Variants in ARHGAP31 observed in about 807,000 individuals in gnomAD.
The protein encoded by ARHGAP31 is Rho GTPase activating protein 31.
A neutral mutation model predicts 113.9 loss-of-function variants in ARHGAP31; 34 were observed. The observed-to-expected ratio is 0.30, with a 90% CI of 0.23 to 0.40. The LOEUF (loss-of-function observed/expected upper bound fraction) is 0.40. Ranked by LOEUF, ARHGAP31 falls within the 10% of genes least tolerant of loss-of-function variation. The pLI is 1.00. For synonymous variants in ARHGAP31, 650 were observed against 684.8 expected, an observed-to-expected ratio of 0.95 and a Z score of 0.79; for missense variants, 1,548 against 1,767.1, an observed-to-expected ratio of 0.88 and a Z score of 2.22.
At chr3:119,407,540 C>A (rs958075028) in intron 10 of ARHGAP31, among the ~76,000 whole-genome samples, 2 of 152,172 alleles carry the variant, frequency 1.3e-5, no homozygotes, top group African/African-American at 4.8e-5. Context: ...ATGCAAGTAT[C>A]TGTTTACATA....
At chr3:119,391,597 C>CA (rs1577026026) in intron 7 of ARHGAP31, among the ~76,000 whole-genome samples, 2 of 94,880 alleles carry the variant, frequency 2.1e-5, no homozygotes, top group Non-Finnish European at 4.2e-5. Context: ...CTACCCCCCC[C>CA]TCCCCCCCGC....
intron 1 of ARHGAP31, among the ~76,000 whole-genome samples, chr3:119,297,618 G>T (rs1481796956): frequency 6.6e-6 from 1 of 152,234 alleles, no homozygotes; most frequent in African/African-American, 2.4e-5. Flanking sequence ...CCTTGAGTTG[G>T]AGTGGAGGAC....
In ARHGAP31 at chr3:119,357,312, C is replaced by T. The variant is rs536180873; in HGVS notation, c.101-8004C>T. 1.1e-3 allele frequency among the ~76,000 whole-genome samples: 172 copies of T among 152,216 alleles called. 4 individuals are homozygous for T. In the South Asian group the frequency reaches 0.035, roughly 31 times the overall value. ...CTCAGTGGAGAAGAGGCAATGGGCT[C>T]AGACGAGGGAGTATCGGGTGCAAAG... On this transcript the variant is annotated intron_variant, in intron 1 of 11. Transcript: ENST00000264245.
chr3:119,315,467 A>G (rs1432658225), intron 1 of ARHGAP31, among the ~76,000 whole-genome samples: 1 of 152,252 alleles, frequency 6.6e-6, no homozygotes, highest in Non-Finnish European at 1.5e-5. Context: ...GCAGAGCACG[A>G]TGATCACCTT....
At position 119,416,619 on chromosome 3, in the gene ARHGAP31, A is replaced by C. The variant is rs977711864; in HGVS notation, c.*355A>C. 3 of 325,704 alleles carry C rather than the reference A, an allele frequency of 9.2e-6. No individual in the cohort carries two copies. The highest frequency in any genetic ancestry group is 1.8e-5 in the Non-Finnish European group (3 of 170,608). 20.2% of individuals were successfully genotyped at this position (325,704 alleles called of 1,614,324 possible). A position where few individuals can be genotyped will look rare whatever the true frequency, so the allele number is the denominator to read the frequency against. On this transcript the variant is annotated 3_prime_UTR_variant, in exon 12 of 12. Coordinates refer to ENST00000264245, the MANE Select transcript of ARHGAP31 (RefSeq NM_020754.4). ...TGAGAGCTGGCTGTCCTTTGAAAGA[A>C]AGAAGTAATGTTCTTTGAAAGAAAG...
At chr3:119,375,613 A>G (rs976356696) in intron 3 of ARHGAP31, among the ~76,000 whole-genome samples, 2 of 152,148 alleles carry the variant, frequency 1.3e-5, no homozygotes, top group Non-Finnish European at 2.9e-5. Context: ...ACTGTATTTC[A>G]TTTTTATCAG....
At chr3:119,314,753 T>C (rs1559963718) in intron 1 of ARHGAP31, 1 of 152,224 alleles carries the variant, frequency 6.6e-6, no homozygotes, top group Non-Finnish European at 1.5e-5. Flanking sequence ...ATACTTTCTG[T>C]TTCTCAATTT....
intron 11 of ARHGAP31, among the ~76,000 whole-genome samples, chr3:119,413,253 G>A (rs1466991973): frequency 2.0e-5 from 3 of 149,114 alleles, no homozygotes; most frequent in South Asian, 2.1e-4. Flanking sequence ...GGAGACAGGG[G>A]TTGCAGTGAG....
chr3:119,412,225 C>T (rs998531426), intron 11 of ARHGAP31, among the ~76,000 whole-genome samples: 1 of 151,996 alleles, frequency 6.6e-6, no homozygotes, highest in Non-Finnish European at 1.5e-5. Flanking sequence ...CCCATCTCTA[C>T]TAAAAATACA....
rs545994819 is a variant in ARHGAP31, at chr3:119,382,584, A to T, written c.539+185A>T. 8.5e-5 allele frequency among the ~76,000 whole-genome samples: 13 copies of T among 152,360 alleles called. No individual in the cohort carries two copies. The East Asian group carries it at 2.5e-3, about 29-fold the overall frequency. On this transcript the variant is annotated intron_variant, in intron 5 of 11. Coordinates refer to ENST00000264245, the MANE Select transcript of ARHGAP31 (RefSeq NM_020754.4). ...AATAGCCTAAGCTCTCTGCCTGCTA[A>T]CTTGGAAACTCTGAGTTCTGAAGAC...
At chr3:119,363,153 C>T (rs2080224823) in intron 1 of ARHGAP31, among the ~76,000 whole-genome samples, 1 of 152,146 alleles carries the variant, frequency 6.6e-6, no homozygotes, top group Non-Finnish European at 1.5e-5. Flanking sequence ...GGTTACCGAA[C>T]AGTGAGGTGT....
At chr3:119,408,381 T>C (rs542028042) in intron 10 of ARHGAP31, among the ~76,000 whole-genome samples, 1 of 152,358 alleles carries the variant, frequency 6.6e-6, no homozygotes, top group Non-Finnish European at 1.5e-5. Flanking sequence ...ATCAGAATGC[T>C]GTCACTAGAT....
At position 119,380,937 on chromosome 3, in the gene ARHGAP31, C is replaced by T; in HGVS notation, c.382C>T (p.Leu128=). The change falls in exon 4 of 12, where the codon CTG becomes TTG. Residue 128 remains leucine, a synonymous_variant. Coordinates refer to ENST00000264245, the MANE Select transcript of ARHGAP31 (RefSeq NM_020754.4). ...GTCGCATTGCCCTGAAGAAGGCCAA[C>T]TGGCCCGAATCCAAAATGTTATCCA... ...AVSHCPEEGQ[L]ARIQNVIQEL... is the part of the protein sequence containing the mutation. 1 of 1,614,186 alleles carries T rather than the reference C, an allele frequency of 6.2e-7. No homozygotes were observed. Among genetic ancestry groups the T allele is most frequent in the Non-Finnish European group, 8.5e-7 (1 of 1,180,010 alleles).
chr3:119,398,868 C>A (rs1285816095), intron 8 of ARHGAP31, among the ~76,000 whole-genome samples: 3 of 152,178 alleles, frequency 2.0e-5, no homozygotes, highest in African/African-American at 7.2e-5. Context: ...GGATTCTACC[C>A]CTGGATTCAT....
chr3:119,350,304 T>C (rs557624592), intron 1 of ARHGAP31, among the ~76,000 whole-genome samples: 104 of 152,122 alleles, frequency 6.8e-4, no homozygotes, highest in Non-Finnish European at 1.3e-3. Flanking sequence ...GGCTCGGGAA[T>C]ATTGGGCAGG....
At chr3:119,329,928 C>A in intron 1 of ARHGAP31, 11 of 985,450 alleles carry the variant, frequency 1.1e-5, no homozygotes, top group Non-Finnish European at 1.3e-5. Flanking sequence ...TCTGGGTAAA[C>A]AAACAAAGAC....
At position 119,307,945 on chromosome 3, in the gene ARHGAP31, A is replaced by AAAAAC. The variant is rs1357925053; in HGVS notation, c.100+12945_100+12946insCAAAA. Among the ~76,000 whole-genome samples the AAAAAC allele has an allele frequency of 2.1e-5, 3 of 144,406 alleles. 1 individual carries two copies. The highest frequency in any genetic ancestry group is 4.5e-5 in the Non-Finnish European group (3 of 66,188). 94.7% of individuals were successfully genotyped at this position (144,406 alleles called of 152,430 possible). A position where few individuals can be genotyped will look rare whatever the true frequency, so the allele number is the denominator to read the frequency against. On this transcript the variant is annotated intron_variant, in intron 1 of 11. Coordinates refer to ENST00000264245, the MANE Select transcript of ARHGAP31 (RefSeq NM_020754.4). ...ATCCAAGTATGAATTAACAGCAAAA[A>AAAAAC]AAAAAAAAAAAAAAAGCTCAATCTT...
At chr3:119,360,353 A>G (rs1451111767) in intron 1 of ARHGAP31, among the ~76,000 whole-genome samples, 1 of 152,210 alleles carries the variant, frequency 6.6e-6, no homozygotes, top group Non-Finnish European at 1.5e-5. Context: ...AAAATCCAGA[A>G]TGGAGATGGG....
intron 1 of ARHGAP31, among the ~76,000 whole-genome samples, chr3:119,332,635 T>TCTCA (rs1403595583): frequency 0.016 from 1,337 of 85,712 alleles, 16 homozygotes; most frequent in African/African-American, 0.029. Context: ...TCTCTCTCTC[T>TCTCA]CACACACACA....
Sources: allele counts gnomAD v4.1 joint callset (sites outside exome capture counted in the v4.1 genomes callset), GRCh38; gene constraint gnomAD v4.1.1; transcripts MANE v1.5; gene names NCBI Gene and HGNC (gene_info 2026-07-23, HGNC 2026-07-21).